Variants in ZNF710 observed in about 807,000 individuals in gnomAD.
The protein encoded by ZNF710 is zinc finger protein 710.
Under a neutral mutation model 50.6 loss-of-function variants are expected in ZNF710, and 13 were observed. The observed-to-expected ratio is 0.26, with a 90% CI of 0.17 to 0.41. The LOEUF is 0.41. Among genes scored for constraint, ZNF710 ranks in the 10% least tolerant of loss-of-function variants. The pLI is 1.00. For synonymous variants in ZNF710, 383 were observed against 397.0 expected, an observed-to-expected ratio of 0.96 and a Z score of 0.42; for missense variants, 721 against 936.6, an observed-to-expected ratio of 0.77 and a Z score of 3.01.
intron 1 of ZNF710, among the ~76,000 whole-genome samples, chr15:90,020,566 G>A (rs1898586411): frequency 6.6e-6 from 1 of 152,258 alleles, no homozygotes; most frequent in South Asian, 2.1e-4. Flanking sequence ...AGCCCCTTGA[G>A]ATGAGGGACG....
intron 1 of ZNF710, among the ~76,000 whole-genome samples, chr15:90,058,172 G>A (rs914642388): frequency 6.6e-6 from 1 of 152,186 alleles, no homozygotes; most frequent in Non-Finnish European, 1.5e-5. Context: ...ACCTGGGAGG[G>A]CGTCAGGTGA....
At chr15:90,047,377 T>C (rs1424674231) in intron 1 of ZNF710, among the ~76,000 whole-genome samples, 1 of 152,200 alleles carries the variant, frequency 6.6e-6, no homozygotes, top group African/African-American at 2.4e-5. Context: ...CACCCCACTT[T>C]AGTAAGGAGA....
intron 1 of ZNF710, among the ~76,000 whole-genome samples, chr15:90,018,129 C>A (rs1255160043): frequency 6.6e-6 from 1 of 151,474 alleles, no homozygotes; most frequent in African/African-American, 2.4e-5. Context: ...GTTAGAATTT[C>A]TCTTCCAAAT....
At chr15:90,028,779 C>T (rs1029883509) in intron 1 of ZNF710, among the ~76,000 whole-genome samples, 4 of 152,110 alleles carry the variant, frequency 2.6e-5, no homozygotes, top group African/African-American at 7.2e-5. Flanking sequence ...TGTGTGTGAA[C>T]GGTGTGACTA....
chr15:90,006,502 T>G (rs1373450731), intron 1 of ZNF710, among the ~76,000 whole-genome samples: 1 of 152,180 alleles, frequency 6.6e-6, no homozygotes, highest in Non-Finnish European at 1.5e-5. Flanking sequence ...GCAGTCTCCC[T>G]GGGAGGCAGG....
chr15:90,070,366 T>TTA (rs1555459640), intron 2 of ZNF710, among the ~76,000 whole-genome samples: 17 of 145,988 alleles, frequency 1.2e-4, no homozygotes, highest in African/African-American at 4.1e-4. Flanking sequence ...TTTTTTTTTT[T>TTA]AAGAAAAAAA....
At chr15:90,079,168 C>G (rs923218340) in intron 4 of ZNF710, among the ~76,000 whole-genome samples, 1 of 152,186 alleles carries the variant, frequency 6.6e-6, no homozygotes, top group Non-Finnish European at 1.5e-5. Flanking sequence ...AGTTGATTCA[C>G]CTCTCTAAAC....
intron 1 of ZNF710, among the ~76,000 whole-genome samples, chr15:90,012,381 C>T (rs530231743): frequency 6.6e-6 from 1 of 150,396 alleles, no homozygotes; most frequent in Non-Finnish European, 1.5e-5. Context: ...CAAGCTCCGC[C>T]CCCCGGGTTC....
intron 1 of ZNF710, among the ~76,000 whole-genome samples, chr15:90,001,996 A>G (rs1453156121): frequency 2.8e-5 from 4 of 143,878 alleles, no homozygotes; most frequent in African/African-American, 8.0e-5. Context: ...AGAGAGAGAG[A>G]GGCAAAAATG....
In ZNF710 at chr15:90,080,979, A is replaced by G. The variant is rs1010457320; in HGVS notation, c.*1150A>G. The stretch of plus-strand genomic sequence containing the variant: ...TGCTGTGCGTGCTTCCTACCCACCC[A>G]CCCCGAGCAGCCTGGCCGGGCAGGA... On this transcript the variant is annotated 3_prime_UTR_variant, in exon 5 of 5. Coordinates refer to ENST00000268154, the MANE Select transcript of ZNF710 (RefSeq NM_198526.4). The G allele has an allele frequency of 6.6e-6, 1 of 151,876 alleles. No homozygotes were observed. Among genetic ancestry groups the G allele is most frequent in the African/African-American group, 2.4e-5 (1 of 41,350 alleles). The allele number at this position is 151,876 out of a possible 1,614,324, so 9.4% of individuals were successfully genotyped here. A position where few individuals can be genotyped will look rare whatever the true frequency, so the allele number is the denominator to read the frequency against.
chr15:90,072,666 G>A (rs28484914), intron 2 of ZNF710, among the ~76,000 whole-genome samples: 10,119 of 152,116 alleles, frequency 0.067, 746 homozygotes, highest in African/African-American at 0.17. Context: ...TCTTCTTGGC[G>A]ACAGACCCCT....
At chr15:90,025,343 G>T (rs1307986786) in intron 1 of ZNF710, 1 of 152,190 alleles carries the variant, frequency 6.6e-6, no homozygotes. Context: ...GAGCATGTCT[G>T]TGACCAAACC....
intron 2 of ZNF710, among the ~76,000 whole-genome samples, chr15:90,070,957 G>A (rs1256062523): frequency 1.3e-5 from 2 of 152,128 alleles, no homozygotes; most frequent in Non-Finnish European, 2.9e-5. Flanking sequence ...CCTCTACTGG[G>A]GGACTTAAAA....
At chr15:90,019,608 G>C (rs886948288) in intron 1 of ZNF710, among the ~76,000 whole-genome samples, 5 of 152,170 alleles carry the variant, frequency 3.3e-5, no homozygotes, top group African/African-American at 1.2e-4. Flanking sequence ...TGTTTCTCAC[G>C]GGTCATACAG....
intron 1 of ZNF710, among the ~76,000 whole-genome samples, chr15:90,017,335 A>G (rs561256344): frequency 9.2e-5 from 14 of 152,298 alleles, no homozygotes; most frequent in African/African-American, 3.4e-4. Flanking sequence ...GAAATGCTGT[A>G]TGGAGAACAA....
chr15:90,036,188 G>A (rs1899117963), intron 1 of ZNF710, among the ~76,000 whole-genome samples: 1 of 151,802 alleles, frequency 6.6e-6, no homozygotes, highest in African/African-American at 2.4e-5. Context: ...AAAGCTTTGA[G>A]ACTCCCCTCC....
chr15:90,079,583 C>T, intron 4 of ZNF710, 77 bp from the exon 5 acceptor site: 2 of 1,553,604 alleles, frequency 1.3e-6, no homozygotes, highest in South Asian at 2.4e-5. Flanking sequence ...TTAGAAAGGC[C>T]ATCAGCTTCC....
At chr15:90,029,466 A>G (rs1898868960) in intron 1 of ZNF710, among the ~76,000 whole-genome samples, 3 of 152,160 alleles carry the variant, frequency 2.0e-5, no homozygotes, top group Admixed American at 2.0e-4. Flanking sequence ...TCATTCTGGG[A>G]CTTTCAAACT....
chr15:90,021,384 C>T (rs771593808), intron 1 of ZNF710, among the ~76,000 whole-genome samples: 22 of 152,240 alleles, frequency 1.4e-4, no homozygotes, highest in Non-Finnish European at 3.2e-4. Flanking sequence ...CTTGGTTTCA[C>T]AGCCTGTAAA....
Sources: gnomAD v4.1 joint callset for allele counts (sites outside exome capture counted in the v4.1 genomes callset) on GRCh38, gnomAD v4.1.1 for gene constraint, MANE v1.5 for transcripts, NCBI Gene and HGNC (gene_info 2026-07-23, HGNC 2026-07-21) for gene names.